SLC12A2: variants seen among roughly 807,000 people sequenced by gnomAD.
SLC12A2 encodes the protein Na-K-2Cl cotransporter 1.
SLC12A2 carries 67 observed loss-of-function variants against 136.3 expected under a neutral mutation model. The observed-to-expected ratio is 0.49, with a 90% CI of 0.40 to 0.60. The LOEUF (loss-of-function observed/expected upper bound fraction) is 0.60, where lower values mean the gene tolerates loss of function less well. SLC12A2 is among the 20% of genes least tolerant of loss of function. The pLI is 0.00. For synonymous variants in SLC12A2, 619 were observed against 562.9 expected, an observed-to-expected ratio of 1.10 and a Z score of -1.41; for missense variants, 1,322 against 1,534.7, an observed-to-expected ratio of 0.86 and a Z score of 2.32.
intron 1 of SLC12A2, among the ~76,000 whole-genome samples, chr5:128,101,598 C>T (rs552693904): frequency 5.3e-4 from 81 of 152,142 alleles, no homozygotes; most frequent in African/African-American, 1.9e-3. Context: ...AATAAAGATC[C>T]CCACTCTGCT....
In SLC12A2 at chr5:128,114,651, G is replaced by A. The variant is rs748058218; in HGVS notation, c.1018G>A (p.Ala340Thr). 6.2e-7 allele frequency: 1 copy of A among 1,611,060 alleles called. No individual in the cohort carries two copies. The highest frequency in any genetic ancestry group is 1.1e-5 in the South Asian group (1 of 91,004). The change falls in exon 4 of 27, where the codon GCA (alanine) becomes ACA (threonine). Residue 340 changes from alanine to threonine, a missense_variant. Transcript: ENST00000262461. ...VTTITGLSTS[A>T]IATNGFVRGG... is the part of the protein sequence containing the mutation. The stretch of plus-strand genomic sequence containing the variant: ...AACTATCACAGGATTGTCTACTTCA[G>A]CAATAGCAACTAATGGATTTGTAAG...
chr5:128,085,208 T>A (rs1027437975), intron 1 of SLC12A2, among the ~76,000 whole-genome samples: 1 of 152,114 alleles, frequency 6.6e-6, no homozygotes, highest in Non-Finnish European at 1.5e-5. Context: ...GTTTATGGTC[T>A]ATGAGTTATT....
intron 4 of SLC12A2, among the ~76,000 whole-genome samples, chr5:128,127,343 C>T (rs1761852741): frequency 6.6e-6 from 1 of 151,680 alleles, no homozygotes; most frequent in Non-Finnish European, 1.5e-5. Flanking sequence ...GGATGGTCTC[C>T]ATCTCCTGAC....
intron 17 of SLC12A2, among the ~76,000 whole-genome samples, 190 bp from the exon 18 acceptor site, chr5:128,167,569 GTA>G (rs956704576): frequency 1.1e-4 from 16 of 151,976 alleles, no homozygotes; most frequent in African/African-American, 3.4e-4. Context: ...ATATTTTTGT[GTA>G]TGTTTAATTT....
In SLC12A2 at chr5:128,189,362, G is replaced by C. The variant is rs1015873315; in HGVS notation, c.*2731G>C. 2 of 152,106 alleles carry C rather than the reference G, an allele frequency of 1.3e-5. No individual in the cohort carries two copies. The highest frequency in any genetic ancestry group is 2.9e-5 in the Non-Finnish European group (2 of 67,994). The allele number at this position is 152,106 out of a possible 1,614,324, so 9.4% of individuals were successfully genotyped here. The stretch of plus-strand genomic sequence containing the variant: ...TAAATTGAGTTTAGAGAGAATGGTG[G>C]TGTTGAGCTGATTATTAACAGTTAC... On this transcript the variant is annotated 3_prime_UTR_variant, in exon 27 of 27. Coordinates refer to ENST00000262461, the MANE Select transcript of SLC12A2 (RefSeq NM_001046.3).
intron 26 of SLC12A2, 33 bp downstream of exon 26, chr5:128,184,889 A>G (rs1315382539): frequency 1.3e-6 from 2 of 1,488,306 alleles, no homozygotes. Context: ...TTTTCTTGCT[A>G]ATTTATGATA....
intron 21 of SLC12A2, chr5:128,177,638 AG>A (rs1763576673): frequency 6.5e-6 from 1 of 153,880 alleles, no homozygotes; most frequent in African/African-American, 2.4e-5. Flanking sequence ...AAGGAGATAG[AG>A]GTGAGAGTTA....
intron 1 of SLC12A2, among the ~76,000 whole-genome samples, chr5:128,108,689 G>A (rs1761033801): frequency 1.3e-5 from 2 of 152,196 alleles, no homozygotes; most frequent in East Asian, 1.9e-4. Flanking sequence ...ATATTCCACA[G>A]TTGATTGTAG....
intron 6 of SLC12A2, 33 bp from the exon 7 acceptor site, chr5:128,135,667 C>A: frequency 7.6e-7 from 1 of 1,310,872 alleles, no homozygotes; most frequent in South Asian, 1.2e-5. Flanking sequence ...AAACAAGATA[C>A]TTGATTTTAA....
chr5:128,114,376 T>A, intron 3 of SLC12A2, 89 bp downstream of exon 3: 1 of 1,033,002 alleles, frequency 9.7e-7, no homozygotes, highest in South Asian at 1.4e-5. Flanking sequence ...GAAATTAGAG[T>A]CATTTTTAAC....
At chr5:128,154,071 A>AAC (rs1554107900) in intron 15 of SLC12A2, among the ~76,000 whole-genome samples, 49 of 140,470 alleles carry the variant, frequency 3.5e-4, no homozygotes, top group African/African-American at 1.1e-3. Context: ...AAAAAAACAA[A>AAC]AAAAAAAAAC....
chr5:128,163,783 G>A (rs1049398195), intron 17 of SLC12A2, among the ~76,000 whole-genome samples: 5 of 152,088 alleles, frequency 3.3e-5, no homozygotes, highest in Non-Finnish European at 4.4e-5. Context: ...TTATATGTAT[G>A]CATTTCTAAG....
chr5:128,134,707 CCAGTAT>C (rs1470622890), intron 6 of SLC12A2, among the ~76,000 whole-genome samples: 2 of 152,002 alleles, frequency 1.3e-5, no homozygotes, highest in Non-Finnish European at 2.9e-5. Flanking sequence ...ACTACCAAAG[CCAGTAT>C]CATTGTTTCT....
At chr5:128,154,056 TAAAA>T (rs1180137949) in intron 15 of SLC12A2, among the ~76,000 whole-genome samples, 1 of 118,046 alleles carries the variant, frequency 8.5e-6, no homozygotes, top group South Asian at 2.6e-4. Context: ...TGCCGTCAAT[TAAAA>T]AAAAAAACAA....
rs992522596 is a variant in SLC12A2 at position 128,186,881 on chromosome 5, T to C, written c.*250T>C. 1 of 349,030 alleles carries C rather than the reference T, an allele frequency of 2.9e-6. No homozygotes were observed. The highest frequency in any genetic ancestry group is 4.2e-5 in the Admixed American group (1 of 23,566). The allele number at this position is 349,030 out of a possible 1,614,324, so 21.6% of individuals were successfully genotyped here. On this transcript the variant is annotated 3_prime_UTR_variant, in exon 27 of 27. Coordinates refer to ENST00000262461, the MANE Select transcript of SLC12A2 (RefSeq NM_001046.3). ...GAACTGAAGTTTGTGAGAGTAGTTT[T>C]CCTTTGCTACTTGAATAGCAATAAA...
intron 1 of SLC12A2, chr5:128,110,353 C>G: frequency 1.1e-6 from 1 of 950,388 alleles, no homozygotes; most frequent in Non-Finnish European, 1.7e-6. Context: ...GATATGATGT[C>G]TGTGCAAGCT....
At position 128,084,532 on chromosome 5, in the gene SLC12A2, G is replaced by A. The variant is rs1168921896; in HGVS notation, c.578G>A (p.Ser193Asn). The A allele has an allele frequency of 9.3e-6, 15 of 1,613,682 alleles. No homozygotes were observed. Among genetic ancestry groups the A allele is most frequent in the Non-Finnish European group, 1.0e-5 (12 of 1,179,990 alleles). The change falls in exon 1 of 27, where the codon AGT becomes AAT. Residue 193 changes from serine to asparagine, a missense_variant. Physicochemically the swap from Ser to Asn is conservative, Grantham distance 46 (BLOSUM62 1). This residue lies in a region of SLC12A2 where 358 missense variants were observed against 299.7 expected (regional missense o/e 1.19). Coordinates refer to ENST00000262461, the MANE Select transcript of SLC12A2 (RefSeq NM_001046.3). This position sits in a 1 kb window ranked among gnomAD's most constrained non-coding sequence, Gnocchi z 5.6. ...SSLHSGGGGG[S>N]GHHQHYYYDT... ...CTGCACTCCGGCGGCGGCGGCGGCAGTGGGCACCACCAGCACTACTATTAT... is the reference window on the plus strand; with the variant it reads ...CTGCACTCCGGCGGCGGCGGCGGCAATGGGCACCACCAGCACTACTATTAT...
chr5:128,164,153 C>T (rs1420526376), intron 17 of SLC12A2, among the ~76,000 whole-genome samples: 1 of 152,074 alleles, frequency 6.6e-6, no homozygotes, highest in Non-Finnish European at 1.5e-5. Flanking sequence ...GATTGTTAGG[C>T]CCCACCCCAG....
Position 128,084,458 on chromosome 5 carries a change from C to G in SLC12A2, c.504C>G (p.Asn168Lys), listed in dbSNP as rs759988909. The change falls in exon 1 of 27, where the codon AAC becomes AAG. Residue 168 changes from asparagine (N) to lysine (K), a missense_variant. Transcript: ENST00000262461. The surrounding 1 kb of genome is among the most constrained non-coding windows in gnomAD (Gnocchi z 5.6). ...CCGGGGTCGGAGTCGACGGGCCCAACGTGAGCTTCCAGAACGGCGGGGACA... is the reference window on the plus strand; with the variant it reads ...CCGGGGTCGGAGTCGACGGGCCCAAGGTGAGCTTCCAGAACGGCGGGGACA... ...DAAGVGVDGP[N>K]VSFQNGGDTV... 6.2e-7 allele frequency: 1 copy of G among 1,613,030 alleles called. No individual in the cohort carries two copies. The highest frequency in any genetic ancestry group is 8.5e-7 in the Non-Finnish European group (1 of 1,179,710).
Sources: gnomAD v4.1 joint callset for allele counts (sites outside exome capture counted in the v4.1 genomes callset) on GRCh38, gnomAD v4.1.1 for gene constraint, gnomAD v4.1.1 regional missense constraint, Gnocchi (gnomAD v3.1) non-coding constraint, MANE v1.5 for transcripts, NCBI Gene and HGNC (gene_info 2026-07-23, HGNC 2026-07-21) for gene names.